Variants in SYN3 observed in about 807,000 individuals in gnomAD.
The protein encoded by SYN3 is synapsin III.
A neutral mutation model predicts 65.8 loss-of-function variants in SYN3; 35 were observed. The observed-to-expected ratio is 0.53, with a 90% CI of 0.41 to 0.70. SYN3 has a LOEUF of 0.70. Among genes scored for constraint, SYN3 ranks in the 30% least tolerant of loss-of-function variants. The probability of loss-of-function intolerance (pLI) is 0.00; values close to 1 mark genes in which losing one functional copy is unlikely to be tolerated. For synonymous variants in SYN3, 270 were observed against 292.9 expected (o/e 0.92, Z 0.80); for missense variants, 680 against 749.0 (o/e 0.91, Z 1.08).
chr22:32,668,478 C>G (rs921025839), intron 6 of SYN3, among the ~76,000 whole-genome samples: 31 of 151,864 alleles, frequency 2.0e-4, no homozygotes, highest in Admixed American at 8.5e-4. Flanking sequence ...CCTCACTTCC[C>G]TCATTTCCCC....
At position 32,518,142 on chromosome 22, in the gene SYN3, G is replaced by A. The variant is rs2057810099; in HGVS notation, c.1511C>T (p.Ala504Val). 1 of 1,609,830 alleles carries A rather than the reference G, an allele frequency of 6.2e-7. No homozygotes were observed. Among genetic ancestry groups the A allele is most frequent in the Non-Finnish European group, 8.5e-7 (1 of 1,178,044 alleles). The change falls in exon 13 of 14, where the codon GCC becomes GTC. Residue 504 changes from alanine (A) to valine (V), a missense_variant. Transcript: ENST00000358763. ...SSPNQASKPGATLASQPRPPV... is the reference protein window; with the variant it reads ...SSPNQASKPGVTLASQPRPPV... Reference sequence around the variant, plus strand: ...GGGCCGGGGCTGTGAGGCGAGGGTGGCACCTGGCTTGGAGGCCTGGTTTGG... The same window carrying A: ...GGGCCGGGGCTGTGAGGCGAGGGTGACACCTGGCTTGGAGGCCTGGTTTGG...
At chr22:32,745,366 G>A (rs1405810721) in intron 6 of SYN3, among the ~76,000 whole-genome samples, 3 of 152,226 alleles carry the variant, frequency 2.0e-5, no homozygotes, top group Non-Finnish European at 4.4e-5. Flanking sequence ...TGGAGGGTGG[G>A]ACTCCACCCG....
chr22:32,639,797 T>C (rs566074947), intron 6 of SYN3, among the ~76,000 whole-genome samples: 229 of 152,350 alleles, frequency 1.5e-3, no homozygotes, highest in African/African-American at 5.5e-3. Flanking sequence ...TCCTCCCACC[T>C]TGGCCTCCCA....
At chr22:32,680,431 G>C (rs2060507595) in intron 6 of SYN3, among the ~76,000 whole-genome samples, 1 of 152,210 alleles carries the variant, frequency 6.6e-6, no homozygotes, top group Non-Finnish European at 1.5e-5. Context: ...TGAGGACAGA[G>C]GTCATGCTCT....
rs150988713 is a variant in SYN3 at position 32,932,211 on chromosome 22, T to A, written c.370-730A>T. Among the ~76,000 whole-genome samples the A allele has an allele frequency of 2.9e-3, 440 of 151,824 alleles. 6 individuals carry two copies. Among genetic ancestry groups the A allele is most frequent in the African/African-American group, 0.01 (421 of 41,268 alleles). ...TATGGCATCATGACTCGGTGATTAT[T>A]TCTCTCTATTAACGGACCCACCCCC... On this transcript the variant is annotated intron_variant, in intron 3 of 13. Transcript: ENST00000358763.
chr22:32,591,809 G>T (rs2059131091), intron 7 of SYN3, among the ~76,000 whole-genome samples: 1 of 152,142 alleles, frequency 6.6e-6, no homozygotes, highest in Non-Finnish European at 1.5e-5. Context: ...CCTAGGTTTT[G>T]AAGTGCACAC....
At chr22:32,649,044 CT>C (rs2060023968) in intron 6 of SYN3, among the ~76,000 whole-genome samples, 1 of 152,202 alleles carries the variant, frequency 6.6e-6, no homozygotes, top group South Asian at 2.1e-4. Flanking sequence ...TTCTTCACCC[CT>C]CTCTGTATCA....
At chr22:33,053,376 T>G (rs1257030557) in intron 1 of SYN3, among the ~76,000 whole-genome samples, 1 of 151,970 alleles carries the variant, frequency 6.6e-6, no homozygotes, top group African/African-American at 2.4e-5. Context: ...TGAGCCAAGA[T>G]CACGCCATTG....
At chr22:32,719,819 G>A (rs143429595) in intron 6 of SYN3, among the ~76,000 whole-genome samples, 5 of 152,258 alleles carry the variant, frequency 3.3e-5, no homozygotes, top group African/African-American at 1.2e-4. Flanking sequence ...ACTGCACTGG[G>A]TGACAGAGCA....
At chr22:32,533,123 T>C (rs1460386583) in intron 10 of SYN3, among the ~76,000 whole-genome samples, 1 of 151,632 alleles carries the variant, frequency 6.6e-6, no homozygotes, top group East Asian at 1.9e-4. Flanking sequence ...GACTATAGGA[T>C]TGGGAGAGGC....
In SYN3 at chr22:33,036,895, C is replaced by T. The variant is rs189960214; in HGVS notation, c.-163+21397G>A. Reference sequence around the variant, plus strand: ...TAGTAGAGACGGGGTTTCTCCATGTCGGTCAGGCTGGTCTTGAACTCCTGA... The same window carrying T: ...TAGTAGAGACGGGGTTTCTCCATGTTGGTCAGGCTGGTCTTGAACTCCTGA... On this transcript the variant is annotated intron_variant, in intron 1 of 13. Transcript: ENST00000358763. 5.7e-3 allele frequency among the ~76,000 whole-genome samples: 861 copies of T among 151,878 alleles called. 10 individuals carry two copies. Among genetic ancestry groups the T allele is most frequent in the African/African-American group, 0.02 (818 of 41,406 alleles).
At chr22:32,673,772 G>A (rs2046077576) in intron 6 of SYN3, among the ~76,000 whole-genome samples, 1 of 152,208 alleles carries the variant, frequency 6.6e-6, no homozygotes. Flanking sequence ...AGTTCCAAGA[G>A]TTCAATACAG....
At chr22:32,730,015 T>C (rs2061248709) in intron 6 of SYN3, among the ~76,000 whole-genome samples, 1 of 152,146 alleles carries the variant, frequency 6.6e-6, no homozygotes, top group Non-Finnish European at 1.5e-5. Context: ...ACGAGATGGA[T>C]GACAATGATA....
chr22:32,900,657 T>C (rs2049732864), intron 4 of SYN3, among the ~76,000 whole-genome samples: 1 of 152,230 alleles, frequency 6.6e-6, no homozygotes, highest in Non-Finnish European at 1.5e-5. Context: ...GGCCAAGAAC[T>C]GTATATACTC....
At chr22:32,773,358 G>A (rs903683791) in intron 6 of SYN3, among the ~76,000 whole-genome samples, 2 of 142,788 alleles carry the variant, frequency 1.4e-5, no homozygotes, top group Non-Finnish European at 3.0e-5. Flanking sequence ...AGTGAGCCGA[G>A]ATTGTGCCAC....
chr22:32,611,288 T>TG (rs2059440471), intron 6 of SYN3, among the ~76,000 whole-genome samples: 1 of 91,388 alleles, frequency 1.1e-5, no homozygotes, highest in Admixed American at 9.1e-5. Flanking sequence ...TTTTTTGTTT[T>TG]TTTTTTTTTT....
At chr22:33,014,607 C>T (rs2053424187) in intron 1 of SYN3, 1 of 152,256 alleles carries the variant, frequency 6.6e-6, no homozygotes, top group African/African-American at 2.4e-5. Flanking sequence ...ATGGAGAAAC[C>T]CCGTCTCTAC....
At chr22:32,945,726 A>G (rs2051087365) in intron 3 of SYN3, among the ~76,000 whole-genome samples, 1 of 152,234 alleles carries the variant, frequency 6.6e-6, no homozygotes, top group Non-Finnish European at 1.5e-5. Flanking sequence ...CTGCACAGCA[A>G]AAGAAACTAC....
chr22:32,978,266 C>T (rs1316344166), intron 3 of SYN3, among the ~76,000 whole-genome samples: 2 of 151,872 alleles, frequency 1.3e-5, no homozygotes, highest in Non-Finnish European at 2.9e-5. Flanking sequence ...ATATCAGATG[C>T]GGAGTCAGCA....
Sources: gnomAD v4.1 joint callset for allele counts (sites outside exome capture counted in the v4.1 genomes callset) on GRCh38, gnomAD v4.1.1 for gene constraint, MANE v1.5 for transcripts, NCBI Gene and HGNC (gene_info 2026-07-23, HGNC 2026-07-21) for gene names.